PKP2: variants seen among roughly 807,000 people sequenced by gnomAD.
The protein encoded by PKP2 is plakophilin-2.
Under a neutral mutation model 83.4 loss-of-function variants are expected in PKP2, and 73 were observed. That is an observed-to-expected ratio of 0.88 (90% CI 0.72 to 1.06). The LOEUF (loss-of-function observed/expected upper bound fraction) is 1.06. Ranked by LOEUF, PKP2 falls within the 50% of genes least tolerant of loss-of-function variation. PKP2 has a pLI of 0.00. For synonymous variants in PKP2, 409 were observed against 430.4 expected (o/e 0.95, Z 0.62); for missense variants, 966 against 1,065.4 (o/e 0.91, Z 1.30).
chr12:32,792,637 T>C lies in PKP2; in HGVS notation c.2445+7A>G, dbSNP rs1956080332. The C allele has an allele frequency of 6.2e-7, 1 of 1,611,294 alleles. No homozygotes were observed. Among genetic ancestry groups the C allele is most frequent in the African/African-American group, 1.3e-5 (1 of 74,888 alleles). On this transcript the variant is annotated splice_region_variant and intron_variant, in intron 12 of 12. Transcript: ENST00000340811. ...AACTATGACACATTCCTTGTTCATG[T>C]TCTTACCTTCTTGTAGGCATGATGC...
chr12:32,867,955 C>T (rs1353493573), intron 4 of PKP2, among the ~76,000 whole-genome samples: 1 of 152,100 alleles, frequency 6.6e-6, no homozygotes, highest in Non-Finnish European at 1.5e-5. Context: ...ATCTGTCCTA[C>T]AGGAACAGAA....
At chr12:32,823,441 A>G (rs61927774) in intron 7 of PKP2, among the ~76,000 whole-genome samples, 27 of 144,410 alleles carry the variant, frequency 1.9e-4, no homozygotes, top group Admixed American at 6.9e-4. Context: ...AAAAAAAAAA[A>G]GGATTATAAA....
At chr12:32,793,827 C>T (rs924969833) in intron 11 of PKP2, among the ~76,000 whole-genome samples, 1 of 151,978 alleles carries the variant, frequency 6.6e-6, no homozygotes, top group East Asian at 1.9e-4. Context: ...GATCTCCTGA[C>T]TTCATGATCC....
rs772827289 is a variant in PKP2, at chr12:32,878,050, A to G, written c.830T>C (p.Leu277Pro). Residue 277 changes from leucine to proline, a missense_variant, in exon 3 of 13, where the codon CTG becomes CCG. Transcript: ENST00000340811. ...AGCCCTGTTCTGAGTGACGGGCTGCAGGGGCACCAGCGGCCTGACCTGCCC... is the reference window on the plus strand; with the variant it reads ...AGCCCTGTTCTGAGTGACGGGCTGCGGGGGCACCAGCGGCCTGACCTGCCC... ...TVGQVRPLVP[L>P]QPVTQNRASR... The G allele has an allele frequency of 6.2e-7, 1 of 1,613,848 alleles. No homozygotes were observed. Among genetic ancestry groups the G allele is most frequent in the African/African-American group, 1.3e-5 (1 of 74,944 alleles).
chr12:32,857,855 C>T (rs2137884704), intron 4 of PKP2, among the ~76,000 whole-genome samples: 1 of 150,566 alleles, frequency 6.6e-6, no homozygotes, highest in Non-Finnish European at 1.5e-5. Flanking sequence ...AAATCTAGCC[C>T]AACTTGGGAA....
intron 4 of PKP2, among the ~76,000 whole-genome samples, chr12:32,860,733 A>T (rs946940511): frequency 2.0e-5 from 3 of 152,236 alleles, no homozygotes; most frequent in East Asian, 3.9e-4. Context: ...AATTTTTTTT[A>T]AAAAGTAGAA....
chr12:32,870,071 G>A (rs1186479874), intron 3 of PKP2, among the ~76,000 whole-genome samples: 1 of 152,118 alleles, frequency 6.6e-6, no homozygotes, highest in African/African-American at 2.4e-5. Flanking sequence ...ATGCTTTAAA[G>A]GTAATTTAGG....
chr12:32,887,186 C>T (rs1237826917), intron 1 of PKP2, among the ~76,000 whole-genome samples: 1 of 152,172 alleles, frequency 6.6e-6, no homozygotes, highest in East Asian at 1.9e-4. Flanking sequence ...CTAGAAAGTA[C>T]TGGCTATGAG....
chr12:32,835,333 A>G (rs1233417709), intron 6 of PKP2, among the ~76,000 whole-genome samples: 3 of 152,136 alleles, frequency 2.0e-5, no homozygotes, highest in African/African-American at 7.2e-5. Flanking sequence ...GATTACAGGC[A>G]TGAGCCACCG....
chr12:32,808,558 C>G (rs577751558), intron 9 of PKP2, among the ~76,000 whole-genome samples: 1 of 152,164 alleles, frequency 6.6e-6, no homozygotes, highest in African/African-American at 2.4e-5. Context: ...ATCGCAGTTC[C>G]GAGGCCTTGC....
At chr12:32,819,886 C>CCG (rs1491109093) in intron 9 of PKP2, among the ~76,000 whole-genome samples, 43 of 3,298 alleles carry the variant, frequency 0.013, no homozygotes, top group African/African-American at 0.05. Flanking sequence ...GCACACACAA[C>CCG]CCCCCCCCCC....
In PKP2 at chr12:32,871,927, T is replaced by C. The variant is rs555505305; in HGVS notation, c.1035-2865A>G. On this transcript the variant is annotated intron_variant, in intron 3 of 12. Transcript: ENST00000340811. Reference sequence around the variant, plus strand: ...GAACAGCTAGAGCTATTCTTTCCTCTATTCTCCTATAGCATTCCCCCGTTC... The same window carrying C: ...GAACAGCTAGAGCTATTCTTTCCTCCATTCTCCTATAGCATTCCCCCGTTC... 1.4e-4 allele frequency among the ~76,000 whole-genome samples: 22 copies of C among 152,300 alleles called. No homozygotes were observed. The South Asian group carries it at 4.4e-3, about 30-fold the overall frequency.
chr12:32,872,640 C>T lies in PKP2; in HGVS notation c.1035-3578G>A, dbSNP rs111279873. ...ACACAGCCCTGCCCAGGCTGGTTCC[C>T]CTGATATTAGAATATGGCTACACCT... is the stretch of plus-strand genomic sequence containing the variant. On this transcript the variant is annotated intron_variant, in intron 3 of 12. Coordinates refer to ENST00000340811, the MANE Select transcript of PKP2 (RefSeq NM_001005242.3). Among the ~76,000 whole-genome samples, 1,431 of 152,246 alleles carry T rather than the reference C, an allele frequency of 9.4e-3. 6 individuals carry two copies. Among genetic ancestry groups the T allele is most frequent in the Non-Finnish European group, 0.014 (961 of 68,004 alleles).
chr12:32,852,198 A>G (rs995125199), intron 4 of PKP2, among the ~76,000 whole-genome samples: 2 of 152,218 alleles, frequency 1.3e-5, no homozygotes, highest in African/African-American at 4.8e-5. Flanking sequence ...TTGAGGAAAT[A>G]AGTTTTCATG....
chr12:32,832,090 A>G (rs906594505), intron 6 of PKP2, among the ~76,000 whole-genome samples: 2 of 152,154 alleles, frequency 1.3e-5, no homozygotes, highest in African/African-American at 2.4e-5. Flanking sequence ...AATTTACTTA[A>G]AGAAAAAGCT....
intron 1 of PKP2, among the ~76,000 whole-genome samples, chr12:32,884,959 T>C (rs1231668336): frequency 6.6e-6 from 1 of 152,200 alleles, no homozygotes; most frequent in East Asian, 1.9e-4. Context: ...GATGATTTAC[T>C]AGGAAATATT....
At chr12:32,851,035 T>C (rs1956692505) in intron 4 of PKP2, 62 bp from the exon 5 acceptor site, 11 of 1,345,160 alleles carry the variant, frequency 8.2e-6, no homozygotes, top group Middle Eastern at 1.9e-4. Context: ...AGGCATTCAA[T>C]GTAATACAAA....
Position 32,792,034 on chromosome 12 carries a change from T to A in PKP2, c.*390A>T, listed in dbSNP as rs1397850181. 9.2e-6 allele frequency: 3 copies of A among 326,744 alleles called. No individual in the cohort carries two copies. Among genetic ancestry groups the A allele is most frequent in the African/African-American group, 6.5e-5 (3 of 46,228 alleles). The allele number at this position is 326,744 out of a possible 1,614,324, so 20.2% of individuals were successfully genotyped here. Reference sequence around the variant, plus strand: ...AATGGCGAAGCAATGTGCACATGAGTGACAAAACATGGGAACCAGAAAAGG... The same window carrying A: ...AATGGCGAAGCAATGTGCACATGAGAGACAAAACATGGGAACCAGAAAAGG... On this transcript the variant is annotated 3_prime_UTR_variant, in exon 13 of 13. Coordinates refer to ENST00000340811, the MANE Select transcript of PKP2 (RefSeq NM_001005242.3).
chr12:32,886,607 C>A (rs943426343), intron 1 of PKP2, among the ~76,000 whole-genome samples: 3 of 152,102 alleles, frequency 2.0e-5, no homozygotes, highest in Admixed American at 1.3e-4. Context: ...TTCTTACTTT[C>A]CAAGAAGAAC....
Sources: gnomAD v4.1 joint callset for allele counts (sites outside exome capture counted in the v4.1 genomes callset) on GRCh38, gnomAD v4.1.1 for gene constraint, MANE v1.5 for transcripts, NCBI Gene and HGNC (gene_info 2026-07-23, HGNC 2026-07-21) for gene names.